The following PDLIM5 variants were observed in gnomAD, a reference collection of about 807,000 sequenced individuals.
PDLIM5 encodes the protein PDZ and LIM domain protein 5.
Under a neutral mutation model 64.2 loss-of-function variants are expected in PDLIM5, and 34 were observed. That is an observed-to-expected ratio of 0.53 (90% confidence interval 0.40 to 0.71). The LOEUF (loss-of-function observed/expected upper bound fraction) is 0.71, where lower values mean the gene tolerates loss of function less well. Ranked by LOEUF, PDLIM5 falls within the 30% of genes least tolerant of loss-of-function variation. The pLI, the probability that PDLIM5 is intolerant of heterozygous loss-of-function variation, is 0.00. For missense variants in PDLIM5, 683 were observed against 733.6 expected, an observed-to-expected ratio of 0.93 and a Z score of 0.80; for synonymous variants, 253 against 269.1, an observed-to-expected ratio of 0.94 and a Z score of 0.59.
intron 2 of PDLIM5, among the ~76,000 whole-genome samples, chr4:94,494,287 C>T (rs59245757): frequency 2.0e-5 from 3 of 151,846 alleles, no homozygotes; most frequent in Non-Finnish European, 4.4e-5. Context: ...AGCTGCATTT[C>T]TTCATGCGCT....
intron 9 of PDLIM5, among the ~76,000 whole-genome samples, chr4:94,646,310 C>A (rs1360747871): frequency 6.6e-6 from 1 of 152,046 alleles, no homozygotes; most frequent in East Asian, 1.9e-4. Context: ...TAACTGGTGT[C>A]ATTATAAGAG....
chr4:94,476,340 G>C (rs927810094), intron 2 of PDLIM5, among the ~76,000 whole-genome samples: 2 of 152,036 alleles, frequency 1.3e-5, no homozygotes, highest in African/African-American at 4.8e-5. Flanking sequence ...TTAAGAGTTA[G>C]TCCTTTTCTC....
chr4:94,512,051 T>C (rs922445222), intron 2 of PDLIM5, among the ~76,000 whole-genome samples: 1 of 151,804 alleles, frequency 6.6e-6, no homozygotes, highest in African/African-American at 2.4e-5. Flanking sequence ...GATGTAGTCT[T>C]GTTGTGTCAC....
At chr4:94,516,407 C>T (rs1030943605) in intron 2 of PDLIM5, among the ~76,000 whole-genome samples, 1 of 152,214 alleles carries the variant, frequency 6.6e-6, no homozygotes, top group African/African-American at 2.4e-5. Context: ...CATTTGCTCA[C>T]AGAGAGACAT....
intron 8 of PDLIM5, among the ~76,000 whole-genome samples, chr4:94,627,291 C>T: frequency 6.6e-6 from 1 of 152,120 alleles, no homozygotes; most frequent in Admixed American, 6.6e-5. Context: ...ATAAAAGTAA[C>T]AACCATTAAT....
intron 11 of PDLIM5, among the ~76,000 whole-genome samples, chr4:94,661,811 A>G (rs1242600773): frequency 6.6e-6 from 1 of 151,708 alleles, no homozygotes; most frequent in Non-Finnish European, 1.5e-5. Flanking sequence ...ATAACTGGTC[A>G]CAGAACAGTT....
chr4:94,566,809 G>C (rs1231462661), intron 3 of PDLIM5, among the ~76,000 whole-genome samples: 1 of 152,196 alleles, frequency 6.6e-6, no homozygotes, highest in Non-Finnish European at 1.5e-5. Flanking sequence ...AATTGTGCTT[G>C]CTGATACTAC....
chr4:94,606,802 A>G (rs761989216), intron 7 of PDLIM5, among the ~76,000 whole-genome samples: 7 of 152,356 alleles, frequency 4.6e-5, no homozygotes, highest in Non-Finnish European at 8.8e-5. Context: ...TTCTTATATC[A>G]TATGAAAGTA....
At chr4:94,557,656 C>G (rs1177200844) in intron 3 of PDLIM5, among the ~76,000 whole-genome samples, 1 of 152,096 alleles carries the variant, frequency 6.6e-6, no homozygotes, top group Non-Finnish European at 1.5e-5. Flanking sequence ...GTATTTTATT[C>G]TCTTTGGAGC....
At chr4:94,570,510 T>G (rs1734716570) in intron 3 of PDLIM5, among the ~76,000 whole-genome samples, 1 of 152,222 alleles carries the variant, frequency 6.6e-6, no homozygotes, top group Non-Finnish European at 1.5e-5. Flanking sequence ...TACTTTTGTT[T>G]ATAGGAAATA....
chr4:94,541,961 G>T (rs1578339443), intron 3 of PDLIM5, among the ~76,000 whole-genome samples: 1 of 152,170 alleles, frequency 6.6e-6, no homozygotes, highest in Admixed American at 6.5e-5. Context: ...CTGTTTCTTT[G>T]TGTCTTTTAT....
At chr4:94,511,233 G>A (rs1390300381) in intron 2 of PDLIM5, among the ~76,000 whole-genome samples, 1 of 152,158 alleles carries the variant, frequency 6.6e-6, no homozygotes, top group Non-Finnish European at 1.5e-5. Flanking sequence ...ATAGTTTGTG[G>A]AATTATAAAT....
intron 7 of PDLIM5, among the ~76,000 whole-genome samples, chr4:94,607,111 A>G (rs1223735479): frequency 6.6e-6 from 1 of 152,050 alleles, no homozygotes; most frequent in Non-Finnish European, 1.5e-5. Flanking sequence ...CTATCATGAC[A>G]TTTTTCTTCA....
intron 8 of PDLIM5, among the ~76,000 whole-genome samples, chr4:94,633,949 G>C (rs1000021794): frequency 6.6e-6 from 1 of 152,054 alleles, no homozygotes; most frequent in African/African-American, 2.4e-5. Flanking sequence ...CCAGGCAGAG[G>C]GAACAGAAAG....
At chr4:94,564,015 A>T (rs1433699618) in intron 3 of PDLIM5, among the ~76,000 whole-genome samples, 2 of 143,422 alleles carry the variant, frequency 1.4e-5, no homozygotes, top group Admixed American at 7.1e-5. Flanking sequence ...CCAGGCTGAA[A>T]TGCAGAGGTG....
intron 2 of PDLIM5, among the ~76,000 whole-genome samples, chr4:94,467,602 G>A (rs1176391103): frequency 1.3e-5 from 2 of 152,124 alleles, no homozygotes; most frequent in Non-Finnish European, 2.9e-5. Context: ...ATGAGCCACC[G>A]TGCCTGGCCT....
In PDLIM5 at chr4:94,451,945, T is replaced by G. The variant is rs928362761; in HGVS notation, c.-93T>G. The G allele has an allele frequency of 1.1e-4, 16 of 152,130 alleles. No individual in the cohort carries two copies. The highest frequency in any genetic ancestry group is 3.4e-4 in the African/African-American group (14 of 41,402). The allele number at this position is 152,130 out of a possible 1,614,324, so 9.4% of individuals were successfully genotyped here. On this transcript the variant is annotated 5_prime_UTR_variant, in exon 1 of 13. Coordinates refer to ENST00000317968, the MANE Select transcript of PDLIM5 (RefSeq NM_006457.5). ...GACGGCGCCCTCACCGCGAGTCACT[T>G]GTCAGCCCTTGTCTGAGGCGGAGGC...
chr4:94,603,065 C>T (rs1737627160), intron 7 of PDLIM5, among the ~76,000 whole-genome samples: 1 of 151,996 alleles, frequency 6.6e-6, no homozygotes, highest in African/African-American at 2.4e-5. Flanking sequence ...AGACATTGTA[C>T]AGGTAGTCTA....
At chr4:94,613,499 A>G (rs1738533563) in intron 7 of PDLIM5, among the ~76,000 whole-genome samples, 1 of 152,194 alleles carries the variant, frequency 6.6e-6, no homozygotes, top group African/African-American at 2.4e-5. Context: ...GTTTTTCCTC[A>G]TTAGCTCCAT....
Sources: gnomAD v4.1 joint callset for allele counts (sites outside exome capture counted in the v4.1 genomes callset) on GRCh38, gnomAD v4.1.1 for gene constraint, MANE v1.5 for transcripts, NCBI Gene and HGNC (gene_info 2026-07-23, HGNC 2026-07-21) for gene names.